The following PECAM1 variants were observed in gnomAD, a reference collection of about 807,000 sequenced individuals.
PECAM1 encodes the protein platelet endothelial cell adhesion molecule.
A neutral mutation model predicts 13.8 loss-of-function variants in PECAM1; 8 were observed. That is an observed-to-expected ratio of 0.58 (90% CI 0.34 to 1.05). The LOEUF is 1.05. PECAM1 is among the 50% of genes least tolerant of loss of function. The pLI, the probability that PECAM1 is intolerant of heterozygous loss-of-function variation, is 0.03. For synonymous variants in PECAM1, 136 were observed against 52.6 expected (o/e 2.58, Z -6.86); for missense variants, 304 against 141.2 (o/e 2.15, Z -5.84).
At chr17:64,329,611 A>G (rs2070783) in intron 15 of PECAM1, 89 bp downstream of exon 15, 398,471 of 711,130 alleles carry the variant, frequency 0.56, 113,246 homozygotes, top group East Asian at 0.75. Context: ...GGAAGAATTC[A>G]TGTGAATGCA....
chr17:64,359,752 C>T (rs1359911168), intron 7 of PECAM1, among the ~76,000 whole-genome samples: 2 of 90,372 alleles, frequency 2.2e-5, no homozygotes, highest in African/African-American at 5.3e-5. Flanking sequence ...CCCACTACTT[C>T]TCTCGCTTTT....
In PECAM1 at chr17:64,347,159, G is replaced by A. The variant is rs1473758907; in HGVS notation, c.2107+1101C>T. On this transcript the variant is annotated intron_variant, in intron 13 of 15. Coordinates refer to ENST00000563924, the MANE Select transcript of PECAM1 (RefSeq NM_000442.5). The stretch of plus-strand genomic sequence containing the variant: ...AAAAGTGGGCAGATTGCTTGAGCCC[G>A]GGAATTTGAGACCAGCCAGGGCAAC... Among the ~76,000 whole-genome samples, 5 of 151,838 alleles carry A rather than the reference G, an allele frequency of 3.3e-5. No individual in the cohort carries two copies. The East Asian group carries it at 5.8e-4, about 18-fold the overall frequency.
chr17:64,359,350 C>A (rs1380274260), intron 7 of PECAM1, among the ~76,000 whole-genome samples: 1 of 152,174 alleles, frequency 6.6e-6, no homozygotes, highest in African/African-American at 2.4e-5. Flanking sequence ...CTGTCCACCC[C>A]CAAGACAATG....
At position 64,353,416 on chromosome 17, in the gene PECAM1, A is replaced by G. The variant is rs2035777623; in HGVS notation, c.1916+75T>C. ...TGCCAAGAGCCACTGAAAACTTCCTAATGACCAGAATCTCCCTCCAGACAT... is the reference window on the plus strand; with the variant it reads ...TGCCAAGAGCCACTGAAAACTTCCTGATGACCAGAATCTCCCTCCAGACAT... On this transcript the variant is annotated intron_variant, in intron 10 of 15. Coordinates refer to ENST00000563924, the MANE Select transcript of PECAM1 (RefSeq NM_000442.5). 4 of 429,660 alleles carry G rather than the reference A, an allele frequency of 9.3e-6. No homozygotes were observed. The Admixed American group carries it at 1.2e-4, about 13-fold the overall frequency. The allele number at this position is 429,660 out of a possible 1,614,324, so 26.6% of individuals were successfully genotyped here. A position where few individuals can be genotyped will look rare whatever the true frequency, so the allele number is the denominator to read the frequency against.
At chr17:64,339,032 A>C (rs1376136016) in intron 14 of PECAM1, among the ~76,000 whole-genome samples, 2 of 152,158 alleles carry the variant, frequency 1.3e-5, no homozygotes, top group Non-Finnish European at 2.9e-5. Flanking sequence ...AAGGAAAAAA[A>C]GTTAAGTTTT....
intron 4 of PECAM1, among the ~76,000 whole-genome samples, chr17:64,373,625 T>C (rs58447024): frequency 0.063 from 9,619 of 151,862 alleles, 1,022 homozygotes; most frequent in African/African-American, 0.22. Context: ...TTTCTCTAAG[T>C]AGAGGCATTA....
intron 4 of PECAM1, among the ~76,000 whole-genome samples, chr17:64,373,526 CTGTGTGTGTGTG>C (rs199493363): frequency 8.1e-5 from 12 of 149,024 alleles, no homozygotes; most frequent in South Asian, 6.4e-4. Flanking sequence ...GATGTTTTTT[CTGTGTGTGTGTG>C]TGTGTGTGTG....
chr17:64,387,578 G>A (rs888694439), intron 2 of PECAM1, among the ~76,000 whole-genome samples: 3 of 152,188 alleles, frequency 2.0e-5, no homozygotes, highest in African/African-American at 7.2e-5. Flanking sequence ...GGGTCCTGGG[G>A]GTGAGGAAGG....
At chr17:64,366,047 T>A (rs2036096565) in intron 5 of PECAM1, among the ~76,000 whole-genome samples, 1 of 150,952 alleles carries the variant, frequency 6.6e-6, no homozygotes, top group Non-Finnish European at 1.5e-5. Flanking sequence ...ACCTACAAAA[T>A]GGGAGAAAAT....
chr17:64,326,490 G>A (rs573577926), intron 15 of PECAM1, among the ~76,000 whole-genome samples: 3 of 152,354 alleles, frequency 2.0e-5, no homozygotes, highest in South Asian at 2.1e-4. Flanking sequence ...CAAGCAAGCC[G>A]TGCTGGCCCC....
At chr17:64,348,453 G>A in intron 12 of PECAM1, 131 bp from the exon 13 acceptor site, 2 of 357,098 alleles carry the variant, frequency 5.6e-6, no homozygotes, top group Non-Finnish European at 9.9e-6. Flanking sequence ...TTTCACCCAG[G>A]CTGGAGTGCA....
In PECAM1 at chr17:64,321,734, C is replaced by G; in HGVS notation, c.*2082G>C. The G allele has an allele frequency of 8.5e-7, 1 of 1,173,380 alleles. No individual in the cohort carries two copies. Among genetic ancestry groups the G allele is most frequent in the Non-Finnish European group, 1.1e-6 (1 of 904,296 alleles). The allele number at this position is 1,173,380 out of a possible 1,614,324, so 72.7% of individuals were successfully genotyped here. A position where few individuals can be genotyped will look rare whatever the true frequency, so the allele number is the denominator to read the frequency against. On this transcript the variant is annotated 3_prime_UTR_variant, in exon 16 of 16. Transcript: ENST00000563924. ...CATTGTTGTGCCACTGCACTCCAGC[C>G]TGGGCAACAGAGCAAGCCCCTGTCT...
intron 2 of PECAM1, among the ~76,000 whole-genome samples, chr17:64,387,713 C>A (rs983742136): frequency 1.3e-5 from 2 of 152,028 alleles, no homozygotes; most frequent in African/African-American, 4.8e-5. Context: ...CAGGCCCAGG[C>A]GGGAAGTTGA....
At chr17:64,339,705 T>C (rs1008998934) in intron 14 of PECAM1, among the ~76,000 whole-genome samples, 2 of 152,174 alleles carry the variant, frequency 1.3e-5, no homozygotes, top group African/African-American at 2.4e-5. Flanking sequence ...CCCCAGAGAA[T>C]TGGTTTTTCA....
intron 14 of PECAM1, among the ~76,000 whole-genome samples, chr17:64,337,128 G>A (rs2035300518): frequency 6.6e-6 from 1 of 151,934 alleles, no homozygotes; most frequent in Non-Finnish European, 1.5e-5. Context: ...AGGTGGGTTG[G>A]AGGCACAGCT....
chr17:64,390,187 CA>C (rs1163470422), intron 2 of PECAM1: 2 of 362,692 alleles, frequency 5.5e-6, no homozygotes, highest in Non-Finnish European at 9.8e-6. Context: ...GTCGTGAGAA[CA>C]GAGAAAAGAA....
chr17:64,323,424 A>G lies in PECAM1; in HGVS notation c.*392T>C, dbSNP rs2034855270. 8.8e-6 allele frequency: 10 copies of G among 1,142,516 alleles called. No homozygotes were observed. Among genetic ancestry groups the G allele is most frequent in the Non-Finnish European group, 8.7e-6 (8 of 923,324 alleles). 70.8% of individuals were successfully genotyped at this position (1,142,516 alleles called of 1,614,324 possible). A position where few individuals can be genotyped will look rare whatever the true frequency, so the allele number is the denominator to read the frequency against. ...CCTCTAACCAGGCCATGCGCTAGAA[A>G]TGATTGAGTATAAAAAAGAAAATTG... On this transcript the variant is annotated 3_prime_UTR_variant, in exon 16 of 16. Coordinates refer to ENST00000563924, the MANE Select transcript of PECAM1 (RefSeq NM_000442.5).
intron 2 of PECAM1, among the ~76,000 whole-genome samples, chr17:64,386,181 G>A (rs2036589410): frequency 1.3e-5 from 2 of 152,172 alleles, no homozygotes; most frequent in African/African-American, 4.8e-5. Context: ...AAGACAGGTG[G>A]ATCACTTAAG....
Position 64,367,489 on chromosome 17 carries a change from G to A in PECAM1, c.967+2261C>T, listed in dbSNP as rs2036135908. ...CGCTTGAACCCGGGAGGCGGAGGTT[G>A]CAGTGAGCTGAGATAGTGCCACTTC... On this transcript the variant is annotated intron_variant, in intron 5 of 15. Transcript: ENST00000563924. 2.0e-5 allele frequency among the ~76,000 whole-genome samples: 3 copies of A among 150,512 alleles called. No individual in the cohort carries two copies. The South Asian group carries it at 6.3e-4, about 32-fold the overall frequency.
Sources: allele counts gnomAD v4.1 joint callset (sites outside exome capture counted in the v4.1 genomes callset), GRCh38; gene constraint gnomAD v4.1.1; transcripts MANE v1.5; gene names NCBI Gene and HGNC (gene_info 2026-07-23, HGNC 2026-07-21).